Variants in SCHIP1 observed in about 807,000 individuals in gnomAD.
SCHIP1 encodes the protein schwannomin-interacting protein 1.
Under a neutral mutation model 29.7 loss-of-function variants are expected in SCHIP1, and 8 were observed. The ratio of observed to expected loss-of-function variants is 0.27; its 90% CI spans 0.16 to 0.49. The LOEUF (loss-of-function observed/expected upper bound fraction) is 0.49, where lower values mean the gene tolerates loss of function less well. Ranked by LOEUF, SCHIP1 falls within the 20% of genes least tolerant of loss-of-function variation. SCHIP1 has a pLI of 0.99. For synonymous variants in SCHIP1, 76 were observed against 94.9 expected (o/e 0.80, Z 1.16); for missense variants, 193 against 294.6 (o/e 0.66, Z 2.52).
At chr3:159,673,014 C>T in the SCHIP1 span, among the ~76,000 whole-genome samples, 1 of 152,026 alleles carries the variant, frequency 6.6e-6, no homozygotes, top group African/African-American at 2.4e-5. Context: ...TTTTTGTTAT[C>T]CAAATAAGAA....
the SCHIP1 span, among the ~76,000 whole-genome samples, chr3:159,634,110 G>A: frequency 2.0e-5 from 3 of 152,026 alleles, no homozygotes; most frequent in Admixed American, 6.6e-5. Flanking sequence ...GATTTTAGGG[G>A]GTAAATTAGA....
chr3:159,337,893 C>T, the SCHIP1 span, among the ~76,000 whole-genome samples: 1 of 152,118 alleles, frequency 6.6e-6, no homozygotes, highest in African/African-American at 2.4e-5. Flanking sequence ...GTAATTAAGC[C>T]CTGCTACTGT....
At chr3:159,578,759 C>T in the SCHIP1 span, among the ~76,000 whole-genome samples, 2 of 152,162 alleles carry the variant, frequency 1.3e-5, no homozygotes, top group African/African-American at 4.8e-5. Context: ...CTGTCTCTCT[C>T]TCTCTCTCCT....
At chr3:159,704,417 TAAAAAAAAAAAAA>T in the SCHIP1 span, among the ~76,000 whole-genome samples, 1 of 92,620 alleles carries the variant, frequency 1.1e-5, no homozygotes, top group African/African-American at 4.1e-5. Context: ...CAATTTTTTC[TAAAAAAAAAAAAA>T]AAAAAAAAAA....
chr3:159,878,813 AT>A (rs1307299699), intron 2 of SCHIP1, among the ~76,000 whole-genome samples: 3 of 145,956 alleles, frequency 2.1e-5, no homozygotes, highest in East Asian at 1.9e-4. Flanking sequence ...AAATAAAAAA[AT>A]AAAAAATAAA....
At chr3:159,564,190 C>T in the SCHIP1 span, among the ~76,000 whole-genome samples, 2,688 of 152,210 alleles carry the variant, frequency 0.018, 34 homozygotes, top group Non-Finnish European at 0.025. Context: ...CTATGTGTTA[C>T]ATTGTGAATG....
chr3:159,683,068 T>G, the SCHIP1 span, among the ~76,000 whole-genome samples: 22 of 152,072 alleles, frequency 1.4e-4, no homozygotes, highest in Non-Finnish European at 2.4e-4. Flanking sequence ...GAATCTGCAT[T>G]TTGTTTTATT....
At chr3:159,889,082 GCT>G in intron 5 of SCHIP1, 139 bp downstream of exon 6, 1 of 1,209,780 alleles carries the variant, frequency 8.3e-7, no homozygotes, top group Non-Finnish European at 1.1e-6. Flanking sequence ...GAATCACAAG[GCT>G]CTTTTTTGTT....
the SCHIP1 span, among the ~76,000 whole-genome samples, chr3:159,315,165 A>C: frequency 5.3e-5 from 8 of 150,004 alleles, no homozygotes; most frequent in African/African-American, 2.0e-4. Flanking sequence ...CCTTGTCAAC[A>C]CTTGGTACTA....
At chr3:159,895,157 A>G (rs1010090124) in intron 6 of SCHIP1, among the ~76,000 whole-genome samples, 1 of 152,206 alleles carries the variant, frequency 6.6e-6, no homozygotes, top group Non-Finnish European at 1.5e-5. Context: ...CAGGGCTATA[A>G]GATGGTCTGC....
At chr3:159,644,990 T>C in the SCHIP1 span, among the ~76,000 whole-genome samples, 1 of 152,136 alleles carries the variant, frequency 6.6e-6, no homozygotes, top group Non-Finnish European at 1.5e-5. Context: ...CTCTAACTGA[T>C]CCCTGAAACA....
At chr3:159,854,723 T>A (rs1485548234) in intron 1 of SCHIP1, among the ~76,000 whole-genome samples, 1 of 152,258 alleles carries the variant, frequency 6.6e-6, no homozygotes, top group African/African-American at 2.4e-5. Context: ...TCTGCTATTT[T>A]CAGTGTCAAA....
At chr3:159,500,485 G>A in the SCHIP1 span, among the ~76,000 whole-genome samples, 241 of 152,118 alleles carry the variant, frequency 1.6e-3, 2 homozygotes, top group Non-Finnish European at 1.9e-3. Context: ...AGGCCGACAC[G>A]GGCAGATCAC....
the SCHIP1 span, among the ~76,000 whole-genome samples, chr3:159,773,050 A>C: frequency 2.0e-5 from 3 of 152,200 alleles, no homozygotes; most frequent in Non-Finnish European, 4.4e-5. Flanking sequence ...CTACATTTGC[A>C]CTTTAAAATA....
At chr3:159,722,781 C>T in the SCHIP1 span, among the ~76,000 whole-genome samples, 8 of 152,224 alleles carry the variant, frequency 5.3e-5, no homozygotes, top group Admixed American at 2.0e-4. Flanking sequence ...AAAGAGGTTT[C>T]GTGGCTTCAT....
chr3:159,355,032 A>AT, the SCHIP1 span, among the ~76,000 whole-genome samples: 1 of 152,134 alleles, frequency 6.6e-6, no homozygotes, highest in Non-Finnish European at 1.5e-5. Flanking sequence ...TTGACGAAGC[A>AT]TTTTCCAGGG....
chr3:159,854,658 G>A (rs1055983424), intron 1 of SCHIP1, among the ~76,000 whole-genome samples: 1 of 152,190 alleles, frequency 6.6e-6, no homozygotes, highest in African/African-American at 2.4e-5. Flanking sequence ...ACACTCTGCC[G>A]TAAGAGTCAG....
the SCHIP1 span, among the ~76,000 whole-genome samples, chr3:159,766,290 A>G: frequency 5.0e-4 from 76 of 152,224 alleles, no homozygotes; most frequent in African/African-American, 1.8e-3. Context: ...GAGGATGGTA[A>G]CTGTGTTTCA....
the SCHIP1 span, among the ~76,000 whole-genome samples, chr3:159,288,130 C>T: frequency 2.0e-5 from 3 of 152,060 alleles, no homozygotes; most frequent in Non-Finnish European, 4.4e-5. Flanking sequence ...TCATGTCATA[C>T]GAGTTCAAGT....
Sources: gnomAD v4.1 joint callset for allele counts (sites outside exome capture counted in the v4.1 genomes callset) on GRCh38, gnomAD v4.1.1 for gene constraint, MANE v1.5 for transcripts, NCBI Gene and HGNC (gene_info 2026-07-23, HGNC 2026-07-21) for gene names.